EML6: variants seen among roughly 807,000 people sequenced by gnomAD.
The protein encoded by EML6 is EMAP like 6, also known as echinoderm microtubule-associated protein-like 6.
A neutral mutation model predicts 240.1 loss-of-function variants in EML6; 154 were observed. The observed-to-expected ratio is 0.64, with a 90% confidence interval of 0.56 to 0.73. The LOEUF is 0.73. Among genes scored for constraint, EML6 ranks in the 30% least tolerant of loss-of-function variants. EML6 has a pLI of 0.00. For missense variants in EML6, 2,964 were observed against 2,474.6 expected, an observed-to-expected ratio of 1.20 and a Z score of -4.20; for synonymous variants, 1,148 against 899.0, an observed-to-expected ratio of 1.28 and a Z score of -4.95.
At chr2:54,780,933 T>C (rs1238855461) in intron 2 of EML6, among the ~76,000 whole-genome samples, 2 of 152,234 alleles carry the variant, frequency 1.3e-5, no homozygotes, top group African/African-American at 2.4e-5. Context: ...TTATTTATAA[T>C]TCTTTGGGCG....
At chr2:54,775,666 T>C (rs1668568607) in intron 2 of EML6, among the ~76,000 whole-genome samples, 1 of 152,214 alleles carries the variant, frequency 6.6e-6, no homozygotes, top group South Asian at 2.1e-4. Context: ...CCTTTGTTTT[T>C]GCTTATTGCT....
At chr2:54,914,585 G>A (rs1037496478) in intron 25 of EML6, among the ~76,000 whole-genome samples, 2 of 152,050 alleles carry the variant, frequency 1.3e-5, no homozygotes, top group African/African-American at 4.8e-5. Flanking sequence ...TTGTTACCCT[G>A]TGGTGCACAT....
At chr2:54,838,271 C>T (rs187057018) in intron 7 of EML6, among the ~76,000 whole-genome samples, 1 of 152,288 alleles carries the variant, frequency 6.6e-6, no homozygotes, top group African/African-American at 2.4e-5. Flanking sequence ...AGATCCTGAC[C>T]TAGCACAAAA....
At position 54,846,192 on chromosome 2, in the gene EML6, G is replaced by A. The variant is rs969088730; in HGVS notation, c.1050-1294G>A. Among the ~76,000 whole-genome samples, 4 of 152,204 alleles carry A rather than the reference G, an allele frequency of 2.6e-5. No individual in the cohort carries two copies. The East Asian group carries it at 5.8e-4, about 22-fold the overall frequency. On this transcript the variant is annotated intron_variant, in intron 8 of 41. Transcript: ENST00000356458. ...ACAAAAGTGGACCCATCACTTGGGC[G>A]CCCAGGGAAGCTTGTGAGGAGCAAC... is the stretch of plus-strand genomic sequence containing the variant.
At chr2:54,873,624 C>T (rs1376362872) in intron 16 of EML6, among the ~76,000 whole-genome samples, 1 of 149,090 alleles carries the variant, frequency 6.7e-6, no homozygotes, top group East Asian at 1.9e-4. Context: ...AGTTCCACTC[C>T]TCAGTGGCCA....
chr2:54,725,350 C>A lies in EML6; in HGVS notation c.197+92C>A, dbSNP rs189095096. On this transcript the variant is annotated intron_variant, in intron 2 of 41. Transcript: ENST00000356458. This position sits in a 1 kb window ranked among gnomAD's most constrained non-coding sequence, Gnocchi z 4.3. ...GACCTGGGGTCGGATCCGGGAGCCC[C>A]GTGGAATAGAGGATTCTCTCTGGAG... The A allele has an allele frequency of 1.8e-5, 17 of 959,736 alleles. No homozygotes were observed. Among genetic ancestry groups the A allele is most frequent in the Non-Finnish European group, 2.3e-5 (16 of 687,308 alleles). The allele number at this position is 959,736 out of a possible 1,614,324, so 59.5% of individuals were successfully genotyped here.
At chr2:54,888,140 AAT>A (rs1175636947) in intron 17 of EML6, among the ~76,000 whole-genome samples, 2 of 152,214 alleles carry the variant, frequency 1.3e-5, no homozygotes, top group African/African-American at 2.4e-5. Flanking sequence ...GCAGTGCTCA[AAT>A]ATCTCTCTCG....
intron 34 of EML6, among the ~76,000 whole-genome samples, chr2:54,959,868 T>C (rs1210550253): frequency 6.6e-6 from 1 of 152,172 alleles, no homozygotes; most frequent in Non-Finnish European, 1.5e-5. Context: ...TGTGGAGGAA[T>C]GGAGGAAGGA....
intron 2 of EML6, among the ~76,000 whole-genome samples, chr2:54,803,706 A>T (rs1670300549): frequency 6.6e-6 from 1 of 152,126 alleles, no homozygotes; most frequent in Non-Finnish European, 1.5e-5. Context: ...AGGCTGTGCA[A>T]CTCTATACTT....
At chr2:54,866,047 G>C (rs1214587448) in intron 13 of EML6, among the ~76,000 whole-genome samples, 2 of 152,168 alleles carry the variant, frequency 1.3e-5, no homozygotes, top group South Asian at 2.1e-4. Flanking sequence ...AGTAGTGAGA[G>C]TTCTTCTGAC....
At chr2:54,834,270 A>G (rs1464352288) in intron 7 of EML6, among the ~76,000 whole-genome samples, 1 of 152,206 alleles carries the variant, frequency 6.6e-6, no homozygotes, top group Non-Finnish European at 1.5e-5. Context: ...ACTTCACAAC[A>G]GTGCATGCTG....
At chr2:54,841,325 C>T (rs1023985221) in intron 7 of EML6, among the ~76,000 whole-genome samples, 5 of 152,224 alleles carry the variant, frequency 3.3e-5, no homozygotes, top group East Asian at 1.9e-4. Flanking sequence ...AATAATACAT[C>T]GGCCTGTGTG....
intron 2 of EML6, among the ~76,000 whole-genome samples, chr2:54,752,272 C>A (rs2103711311): frequency 6.6e-6 from 1 of 152,168 alleles, no homozygotes; most frequent in South Asian, 2.1e-4. Flanking sequence ...CATAGTTGAA[C>A]CCCAAATATC....
chr2:54,916,992 T>C, intron 26 of EML6, 57 bp downstream of exon 26: 1 of 1,325,070 alleles, frequency 7.5e-7, no homozygotes, highest in South Asian at 1.5e-5. Flanking sequence ...ACCTTAAATA[T>C]TGTATCTAAG....
intron 2 of EML6, among the ~76,000 whole-genome samples, chr2:54,759,988 C>G (rs1179269637): frequency 6.6e-6 from 1 of 151,418 alleles, no homozygotes; most frequent in Non-Finnish European, 1.5e-5. Flanking sequence ...TCATTATACA[C>G]AGCAGGATCA....
chr2:54,741,850 A>G (rs146548487), intron 2 of EML6, among the ~76,000 whole-genome samples: 5 of 152,340 alleles, frequency 3.3e-5, no homozygotes, highest in Admixed American at 6.5e-5. Context: ...TCTTCCTTGT[A>G]TAGAAAGCCA....
chr2:54,947,054 G>T (rs1218679638), intron 28 of EML6, among the ~76,000 whole-genome samples: 1 of 151,988 alleles, frequency 6.6e-6, no homozygotes, highest in Non-Finnish European at 1.5e-5. Flanking sequence ...TATACAACCT[G>T]TGTGTCCCCT....
chr2:54,809,610 T>G (rs1032834298), intron 2 of EML6, among the ~76,000 whole-genome samples: 1 of 152,132 alleles, frequency 6.6e-6, no homozygotes. Context: ...TTGGTTTCAT[T>G]TGGGGAAAAT....
intron 25 of EML6, among the ~76,000 whole-genome samples, chr2:54,912,837 C>T (rs1573128838): frequency 6.6e-6 from 1 of 152,268 alleles, no homozygotes; most frequent in South Asian, 2.1e-4. Context: ...GATTCCATAG[C>T]TTTGCTATTG....
Sources: gnomAD v4.1 joint callset for allele counts (sites outside exome capture counted in the v4.1 genomes callset) on GRCh38, gnomAD v4.1.1 for gene constraint, Gnocchi (gnomAD v3.1) non-coding constraint, MANE v1.5 for transcripts, NCBI Gene and HGNC (gene_info 2026-07-23, HGNC 2026-07-21) for gene names.